Variants in APLF observed in about 807,000 individuals in gnomAD.
APLF encodes the protein aprataxin and PNK-like factor.
A neutral mutation model predicts 55.6 loss-of-function variants in APLF; 61 were observed. The observed-to-expected ratio is 1.10, with a 90% CI of 0.89 to 1.36. The LOEUF is 1.36. Ranked by LOEUF, APLF falls within the 40% of genes most tolerant of loss-of-function variation. The probability of loss-of-function intolerance (pLI) is 0.00; values close to 1 mark genes in which losing one functional copy is unlikely to be tolerated. For missense variants in APLF, 611 were observed against 602.5 expected (o/e 1.01, Z -0.15); for synonymous variants, 207 against 214.8 (o/e 0.96, Z 0.32).
Position 68,538,929 on chromosome 2 carries a change from G to C in APLF, c.1160+702G>C, listed in dbSNP as rs188056526. The stretch of plus-strand genomic sequence containing the variant: ...AGTAGTTTGTCTTCTGTGTCAATAA[G>C]ACACTAGTCAGCATGTATACATATA... On this transcript the variant is annotated intron_variant, in intron 7 of 9. Coordinates refer to ENST00000303795, the MANE Select transcript of APLF (RefSeq NM_173545.3). 1.8e-3 allele frequency among the ~76,000 whole-genome samples: 270 copies of C among 152,090 alleles called. 1 individual carries two copies. The highest frequency in any genetic ancestry group is 1.6e-3 in the Non-Finnish European group (106 of 67,984).
chr2:68,566,920 T>C (rs1671326636), intron 8 of APLF, among the ~76,000 whole-genome samples: 2 of 152,152 alleles, frequency 1.3e-5, no homozygotes, highest in South Asian at 4.1e-4. Flanking sequence ...CTGTTTTCTT[T>C]AGATTCAAGA....
intron 1 of APLF, among the ~76,000 whole-genome samples, chr2:68,477,968 G>A (rs1166617429): frequency 6.6e-6 from 1 of 151,814 alleles, no homozygotes; most frequent in Non-Finnish European, 1.5e-5. Context: ...GTGAGATTTG[G>A]GTGGGGACAC....
At chr2:68,510,097 T>C (rs911959707) in intron 3 of APLF, among the ~76,000 whole-genome samples, 1 of 149,264 alleles carries the variant, frequency 6.7e-6, no homozygotes, top group Non-Finnish European at 1.5e-5. Flanking sequence ...AGGGATAGCA[T>C]TAGGAGATAC....
chr2:68,578,450 A>G lies in APLF; in HGVS notation c.*428A>G. On this transcript the variant is annotated 3_prime_UTR_variant, in exon 10 of 10. Coordinates refer to ENST00000303795, the MANE Select transcript of APLF (RefSeq NM_173545.3). ...TCATTGTTACTGAAGTAATTCTGTAAGCAGAACCAGGCTTTAAAAAATGCA... is the reference window on the plus strand; with the variant it reads ...TCATTGTTACTGAAGTAATTCTGTAGGCAGAACCAGGCTTTAAAAAATGCA... The G allele has an allele frequency of 1.0e-6, 1 of 988,522 alleles. No individual in the cohort carries two copies. The highest frequency in any genetic ancestry group is 1.7e-5 in the African/African-American group (1 of 57,374). The allele number at this position is 988,522 out of a possible 1,614,324, so 61.2% of individuals were successfully genotyped here. A position where few individuals can be genotyped will look rare whatever the true frequency, so the allele number is the denominator to read the frequency against.
chr2:68,506,222 A>C (rs981892248), intron 3 of APLF, among the ~76,000 whole-genome samples: 9 of 145,458 alleles, frequency 6.2e-5, no homozygotes, highest in African/African-American at 2.5e-4. Flanking sequence ...GTACTTCTGT[A>C]GTCAGGTAAT....
At chr2:68,511,512 T>C (rs1677050327) in intron 3 of APLF, among the ~76,000 whole-genome samples, 1 of 151,752 alleles carries the variant, frequency 6.6e-6, no homozygotes, top group South Asian at 2.1e-4. Flanking sequence ...AGAGTGTATA[T>C]GAATTCATCT....
chr2:68,523,939 G>T (rs1259507861), intron 5 of APLF, among the ~76,000 whole-genome samples: 1 of 150,640 alleles, frequency 6.6e-6, no homozygotes, highest in African/African-American at 2.5e-5. Context: ...CCTAGAGGTG[G>T]TTGATAGTAA....
chr2:68,568,334 A>G, intron 9 of APLF: 3 of 983,494 alleles, frequency 3.1e-6, no homozygotes, highest in Non-Finnish European at 3.6e-6. Context: ...GCATACAAAC[A>G]GCTGACTTGT....
intron 5 of APLF, among the ~76,000 whole-genome samples, chr2:68,522,190 A>G (rs13410556): frequency 0.17 from 26,228 of 151,734 alleles, 3,721 homozygotes; most frequent in African/African-American, 0.39. Context: ...TTTAAGGTTG[A>G]TATTAGATTC....
Position 68,537,957 on chromosome 2 carries a change from C to T in APLF, c.890C>T (p.Pro297Leu). The T allele has an allele frequency of 6.2e-7, 1 of 1,613,710 alleles. No individual in the cohort carries two copies. The highest frequency in any genetic ancestry group is 2.2e-5 in the East Asian group (1 of 44,880). ...ACTAATGCACAGAGAAACAAACTTC[C>T]AATAGAGGAACTTGGTAAAGTTTCT... ...IKTNAQRNKL[P>L]IEELGKVSKH... The change falls in exon 7 of 10, where the codon CCA (proline) becomes CTA (leucine). Residue 297 changes from proline to leucine, a missense_variant. Coordinates refer to ENST00000303795, the MANE Select transcript of APLF (RefSeq NM_173545.3).
At chr2:68,524,964 T>C (rs1301840901) in intron 5 of APLF, among the ~76,000 whole-genome samples, 1 of 152,244 alleles carries the variant, frequency 6.6e-6, no homozygotes, top group East Asian at 1.9e-4. Flanking sequence ...TCCATTGTTA[T>C]TGAGATTTAT....
intron 1 of APLF, among the ~76,000 whole-genome samples, chr2:68,477,911 T>C (rs1176636721): frequency 6.6e-6 from 1 of 151,878 alleles, no homozygotes; most frequent in Admixed American, 6.6e-5. Context: ...GATTCAGTTA[T>C]CTCCACCTAG....
At chr2:68,576,576 T>C (rs573339623) in intron 9 of APLF, among the ~76,000 whole-genome samples, 3 of 152,252 alleles carry the variant, frequency 2.0e-5, no homozygotes, top group African/African-American at 7.2e-5. Flanking sequence ...GCTTTTTATG[T>C]TTTTGGTTTC....
At chr2:68,494,494 T>A (rs1676477082) in intron 2 of APLF, among the ~76,000 whole-genome samples, 1 of 151,566 alleles carries the variant, frequency 6.6e-6, no homozygotes, top group Non-Finnish European at 1.5e-5. Flanking sequence ...ACACTTTTTT[T>A]TTTCTTCGAC....
rs537032937 is a variant in APLF at position 68,560,663 on chromosome 2, G to T, written c.1287-6678G>T. 2.8e-4 allele frequency among the ~76,000 whole-genome samples: 42 copies of T among 152,132 alleles called. No homozygotes were observed. The South Asian group carries it at 7.9e-3, about 29-fold the overall frequency. On this transcript the variant is annotated intron_variant, in intron 8 of 9. Coordinates refer to ENST00000303795, the MANE Select transcript of APLF (RefSeq NM_173545.3). ...TTATGGTTATATAGCTTTATGTTTA[G>T]ATCTCAAACTGTTAATAATTAACAA...
chr2:68,472,390 T>C (rs1573139462), intron 1 of APLF, among the ~76,000 whole-genome samples: 1 of 152,340 alleles, frequency 6.6e-6, no homozygotes, highest in South Asian at 2.1e-4. Flanking sequence ...TTCCTTGTTA[T>C]GCCTGAGTCA....
intron 5 of APLF, among the ~76,000 whole-genome samples, chr2:68,517,378 T>G (rs1352787794): frequency 7.6e-6 from 1 of 131,466 alleles, no homozygotes; most frequent in Non-Finnish European, 1.5e-5. Context: ...ATTCATATAG[T>G]AATATATGTT....
At chr2:68,520,845 C>A (rs902214723) in intron 5 of APLF, among the ~76,000 whole-genome samples, 2 of 151,584 alleles carry the variant, frequency 1.3e-5, no homozygotes, top group African/African-American at 4.8e-5. Context: ...TTTTTCTAGT[C>A]CTGTGAAGAA....
At chr2:68,565,194 C>G (rs968109897) in intron 8 of APLF, among the ~76,000 whole-genome samples, 2 of 149,346 alleles carry the variant, frequency 1.3e-5, no homozygotes, top group Admixed American at 1.3e-4. Flanking sequence ...TCATGATTAT[C>G]ACAGCTCTCA....
Sources: gnomAD v4.1 joint callset for allele counts (sites outside exome capture counted in the v4.1 genomes callset) on GRCh38, gnomAD v4.1.1 for gene constraint, MANE v1.5 for transcripts, NCBI Gene and HGNC (gene_info 2026-07-23, HGNC 2026-07-21) for gene names.